Variants in RIMBP2 observed in about 807,000 individuals in gnomAD.
The protein encoded by RIMBP2 is RIMS-binding protein 2.
A neutral mutation model predicts 118.6 loss-of-function variants in RIMBP2; 48 were observed. The ratio of observed to expected loss-of-function variants is 0.40; its 90% CI spans 0.32 to 0.51. The LOEUF (loss-of-function observed/expected upper bound fraction) is 0.51. RIMBP2 is among the 20% of genes least tolerant of loss of function. The probability of loss-of-function intolerance (pLI) is 0.41; values close to 1 mark genes in which losing one functional copy is unlikely to be tolerated. For synonymous variants in RIMBP2, 762 were observed against 742.9 expected (o/e 1.03, Z -0.42); for missense variants, 1,551 against 1,768.3 (o/e 0.88, Z 2.20).
At chr12:130,560,219 C>T (rs2139873935) in intron 2 of RIMBP2, among the ~76,000 whole-genome samples, 1 of 152,286 alleles carries the variant, frequency 6.6e-6, no homozygotes, top group Non-Finnish European at 1.5e-5. Context: ...TGGTAAAAGA[C>T]TTCCTAAGTT....
rs550847300 is a variant in RIMBP2, at chr12:130,576,714, G to C, written c.-217+51608C>G. On this transcript the variant is annotated intron_variant, in intron 2 of 22. Coordinates refer to ENST00000690449, the MANE Select transcript of RIMBP2 (RefSeq NM_001393629.1). The surrounding 1 kb of genome is among the most constrained non-coding windows in gnomAD (Gnocchi z 4.2). ...AGCACAAACTGCCAGCAGCAGCGAG[G>C]AGGAGCCCCGCCGAGCGCCGAGAGG... 8.5e-5 allele frequency among the ~76,000 whole-genome samples: 13 copies of C among 152,326 alleles called. No homozygotes were observed. In the East Asian group the frequency reaches 2.5e-3, roughly 29 times the overall value.
intron 1 of RIMBP2, among the ~76,000 whole-genome samples, chr12:130,676,319 TAA>T (rs34473551): frequency 0.23 from 30,711 of 133,430 alleles, 3,422 homozygotes; most frequent in South Asian, 0.27. Flanking sequence ...GAGGATGGAT[TAA>T]AAAAAAAAAA....
At chr12:130,631,929 C>G (rs2140961227) in intron 1 of RIMBP2, among the ~76,000 whole-genome samples, 1 of 152,334 alleles carries the variant, frequency 6.6e-6, no homozygotes, top group East Asian at 1.9e-4. Context: ...TCACTGAAGT[C>G]TTCCTCCACA....
chr12:130,409,585 C>T (rs1420287613), intron 19 of RIMBP2, among the ~76,000 whole-genome samples: 3 of 151,980 alleles, frequency 2.0e-5, no homozygotes, highest in South Asian at 2.1e-4. Flanking sequence ...CCTCATGATC[C>T]GCCCACCTCG....
chr12:130,455,452 G>A (rs1023881728), intron 7 of RIMBP2, among the ~76,000 whole-genome samples: 3 of 152,222 alleles, frequency 2.0e-5, no homozygotes, highest in African/African-American at 7.2e-5. Flanking sequence ...CCTGGGTGTC[G>A]TGAGTGCCTG....
chr12:130,451,495 T>C (rs1045253202), intron 7 of RIMBP2, among the ~76,000 whole-genome samples, 155 bp from the exon 8 acceptor site: 1 of 152,260 alleles, frequency 6.6e-6, no homozygotes, highest in Non-Finnish European at 1.5e-5. Flanking sequence ...GCCATCTATG[T>C]AGGCTGGCGG....
intron 1 of RIMBP2, among the ~76,000 whole-genome samples, chr12:130,661,156 T>C (rs560091048): frequency 1.4e-4 from 21 of 152,174 alleles, no homozygotes; most frequent in Non-Finnish European, 3.1e-4. Flanking sequence ...CCAGCAGCCA[T>C]GCCTCCTCTT....
At chr12:130,715,687 C>G (rs1950277297) in intron 1 of RIMBP2, among the ~76,000 whole-genome samples, 5 of 152,322 alleles carry the variant, frequency 3.3e-5, no homozygotes, top group South Asian at 4.1e-4. Context: ...CTGGGCGCAG[C>G]CTGCGGGCTT....
At chr12:130,707,683 C>T (rs994005198) in intron 1 of RIMBP2, among the ~76,000 whole-genome samples, 2 of 152,122 alleles carry the variant, frequency 1.3e-5, no homozygotes, top group African/African-American at 2.4e-5. Context: ...GTGAGAGTGA[C>T]TTGCAGGCAG....
At chr12:130,713,774 C>A (rs1019623362) in intron 1 of RIMBP2, among the ~76,000 whole-genome samples, 4 of 152,186 alleles carry the variant, frequency 2.6e-5, no homozygotes, top group African/African-American at 9.7e-5. Context: ...CGGGTCAGGC[C>A]CTCTGGTCCC....
chr12:130,530,545 G>GT (rs969429207), intron 2 of RIMBP2, among the ~76,000 whole-genome samples: 10 of 152,150 alleles, frequency 6.6e-5, no homozygotes, highest in Non-Finnish European at 1.5e-4. Context: ...CATAAAAAGG[G>GT]TTTTTACCTA....
In RIMBP2 at chr12:130,442,066, A is replaced by C. The variant is rs750216906; in HGVS notation, c.1286T>G (p.Leu429Arg). ...ITQISAQLSWLPTNSNYSHVI... is the reference protein window; with the variant it reads ...ITQISAQLSWRPTNSNYSHVI... ...GTGGCTGTAGTTGCTGTTGGTGGGT[A>C]GCCAGGAGAGCTGGGCGGAGATCTG... Residue 429 changes from leucine to arginine, a missense_variant, in exon 11 of 23, where the codon CTA becomes CGA. Physicochemically the swap from Leu to Arg is moderately radical, Grantham distance 102 (BLOSUM62 -2). Coordinates refer to ENST00000690449, the MANE Select transcript of RIMBP2 (RefSeq NM_001393629.1). The surrounding 1 kb of genome is among the most constrained non-coding windows in gnomAD (Gnocchi z 6.9). 1.9e-6 allele frequency: 3 copies of C among 1,614,024 alleles called. No individual in the cohort carries two copies. Among genetic ancestry groups the C allele is most frequent in the Admixed American group, 1.7e-5 (1 of 60,010 alleles).
rs553815440 is a variant in RIMBP2 at position 130,663,670 on chromosome 12, G to A, written c.-351-35214C>T. On this transcript the variant is annotated intron_variant, in intron 1 of 22. Coordinates refer to ENST00000690449, the MANE Select transcript of RIMBP2 (RefSeq NM_001393629.1). ...GCAAGTTACCCAGCCTAGCAGCACC[G>A]TGACATGGGTGTCCCCAGACGCCTC... Among the ~76,000 whole-genome samples, 215 of 151,840 alleles carry A rather than the reference G, an allele frequency of 1.4e-3. 10 individuals carry two copies. Among genetic ancestry groups the A allele is most frequent in the African/African-American group, 4.0e-3 (163 of 41,116 alleles).
In RIMBP2 at chr12:130,541,214, A is replaced by G. The variant is rs150109233; in HGVS notation, c.-216-23297T>C. On this transcript the variant is annotated intron_variant, in intron 2 of 22. Coordinates refer to ENST00000690449, the MANE Select transcript of RIMBP2 (RefSeq NM_001393629.1). ...TGGAGCAGGCATCCTCCTGTCTCTCATCTTCTTCCCTCACTTCCCCTGCCC... is the reference window on the plus strand; with the variant it reads ...TGGAGCAGGCATCCTCCTGTCTCTCGTCTTCTTCCCTCACTTCCCCTGCCC... 2.9e-3 allele frequency among the ~76,000 whole-genome samples: 435 copies of G among 152,266 alleles called. 2 individuals carry two copies. The highest frequency in any genetic ancestry group is 0.01 in the African/African-American group (418 of 41,544).
At chr12:130,678,981 G>A (rs1023618482) in intron 1 of RIMBP2, among the ~76,000 whole-genome samples, 2 of 152,140 alleles carry the variant, frequency 1.3e-5, no homozygotes, top group African/African-American at 4.8e-5. Context: ...ACTAGACGCT[G>A]GTGATGTTTG....
At chr12:130,550,127 A>AT (rs2055597380) in intron 2 of RIMBP2, among the ~76,000 whole-genome samples, 1 of 152,214 alleles carries the variant, frequency 6.6e-6, no homozygotes, top group African/African-American at 2.4e-5. Context: ...AAGGGTAGTT[A>AT]TCGACTACAT....
intron 2 of RIMBP2, among the ~76,000 whole-genome samples, chr12:130,539,077 C>A (rs940383071): frequency 6.6e-6 from 1 of 152,158 alleles, no homozygotes; most frequent in African/African-American, 2.4e-5. Context: ...ATCCAGCTTG[C>A]CCCTTTTAAA....
intron 11 of RIMBP2, among the ~76,000 whole-genome samples, chr12:130,440,077 C>A (rs2077991890): frequency 6.6e-6 from 1 of 151,200 alleles, no homozygotes; most frequent in African/African-American, 2.4e-5. Context: ...CATGGCTAAC[C>A]CTGGCCGTAC....
intron 4 of RIMBP2, among the ~76,000 whole-genome samples, chr12:130,482,577 G>A (rs1169764393): frequency 2.0e-5 from 3 of 152,190 alleles, no homozygotes; most frequent in Non-Finnish European, 4.4e-5. Context: ...AGGAGAACTC[G>A]CTCACTCAAC....
Sources: gnomAD v4.1 joint callset for allele counts (sites outside exome capture counted in the v4.1 genomes callset) on GRCh38, gnomAD v4.1.1 for gene constraint, Gnocchi (gnomAD v3.1) non-coding constraint, MANE v1.5 for transcripts, NCBI Gene and HGNC (gene_info 2026-07-23, HGNC 2026-07-21) for gene names.